The following RTTN variants were observed in gnomAD, a reference collection of about 807,000 sequenced individuals.
RTTN encodes rotatin.
RTTN carries 182 observed loss-of-function variants against 269.2 expected under a neutral mutation model. That is an observed-to-expected ratio of 0.68 (90% CI 0.60 to 0.76). The LOEUF is 0.76. Among genes scored for constraint, RTTN ranks in the 30% least tolerant of loss-of-function variants. The probability of loss-of-function intolerance (pLI) is 0.00; values close to 1 mark genes in which losing one functional copy is unlikely to be tolerated. For missense variants in RTTN, 2,545 were observed against 2,608.6 expected, an observed-to-expected ratio of 0.98 and a Z score of 0.53; for synonymous variants, 1,006 against 963.5, an observed-to-expected ratio of 1.04 and a Z score of -0.82.
At chr18:70,086,482 T>C in intron 32 of RTTN, 131 bp downstream of exon 32, 1 of 778,754 alleles carries the variant, frequency 1.3e-6, no homozygotes, top group Non-Finnish European at 2.2e-6. Flanking sequence ...AAATTCTACG[T>C]TCTATTTTAA....
chr18:70,025,677 G>A (rs1246343478), intron 43 of RTTN, among the ~76,000 whole-genome samples: 2 of 152,210 alleles, frequency 1.3e-5, no homozygotes, highest in African/African-American at 4.8e-5. Context: ...TCCATCTGCA[G>A]CAGATGACCT....
chr18:70,184,604 T>C (rs1005194247), intron 10 of RTTN, among the ~76,000 whole-genome samples: 1 of 151,710 alleles, frequency 6.6e-6, no homozygotes, highest in South Asian at 2.1e-4. Context: ...AAGACATATA[T>C]ATGGTATTCA....
chr18:70,176,769 T>C lies in RTTN; in HGVS notation c.1382A>G (p.Gln461Arg). Residue 461 changes from glutamine to arginine, a missense_variant, in exon 11 of 49, where the codon CAG becomes CGG. By Grantham distance (43) the Gln-to-Arg change is conservative (BLOSUM62 1). Coordinates refer to ENST00000640769, the MANE Select transcript of RTTN (RefSeq NM_173630.4). The part of the protein sequence containing the change: ...CYHKSSISLE[Q>R]PEVMLVHHRM... ...GTGGTGCACAAGCATCACCTCTGGC[T>C]GCTCCAAACTGATACTACTTTTATG... 1 of 1,614,184 alleles carries C rather than the reference T, an allele frequency of 6.2e-7. No homozygotes were observed. Among genetic ancestry groups the C allele is most frequent in the Non-Finnish European group, 8.5e-7 (1 of 1,179,992 alleles).
At chr18:70,049,050 A>C (rs749939835) in intron 39 of RTTN, among the ~76,000 whole-genome samples, 5 of 152,322 alleles carry the variant, frequency 3.3e-5, no homozygotes, top group African/African-American at 4.8e-5. Context: ...TTATTTTATC[A>C]CTAAAGAAAT....
chr18:70,205,512 G>T, intron 1 of RTTN, 116 bp downstream of exon 1: 1 of 1,435,476 alleles, frequency 7.0e-7, no homozygotes, highest in African/African-American at 1.4e-5. Context: ...TGACAAAGCG[G>T]GGGTGAAAGA....
chr18:70,047,143 C>T (rs1365755176), intron 40 of RTTN, among the ~76,000 whole-genome samples: 1 of 152,210 alleles, frequency 6.6e-6, no homozygotes, highest in Non-Finnish European at 1.5e-5. Context: ...AACCAGCACA[C>T]AGACAATCTT....
At chr18:70,191,190 T>C (rs551494890) in intron 8 of RTTN, among the ~76,000 whole-genome samples, 225 of 148,958 alleles carry the variant, frequency 1.5e-3, no homozygotes, top group Middle Eastern at 0.01. Flanking sequence ...CAAGACTCCA[T>C]CTCAAAAAAA....
intron 34 of RTTN, among the ~76,000 whole-genome samples, chr18:70,068,048 T>TA (rs1325890524): frequency 6.6e-6 from 1 of 152,262 alleles, no homozygotes; most frequent in African/African-American, 2.4e-5. Context: ...ATATTTCTAC[T>TA]AGCCTCTATT....
In RTTN at chr18:70,109,405, A is replaced by G. The variant is rs575017600; in HGVS notation, c.3903+93T>C. The G allele has an allele frequency of 2.5e-5, 21 of 855,392 alleles. No homozygotes were observed. The South Asian group carries it at 2.8e-4, about 11-fold the overall frequency. 53.0% of individuals were successfully genotyped at this position (855,392 alleles called of 1,614,324 possible). ...TTATATAAATAATGTATAATATTCT[A>G]CATTGAATAGAGTAACGTATAATGC... is the stretch of plus-strand genomic sequence containing the variant. On this transcript the variant is annotated intron_variant, in intron 28 of 48. Coordinates refer to ENST00000640769, the MANE Select transcript of RTTN (RefSeq NM_173630.4).
chr18:70,056,664 T>C (rs977322964), intron 37 of RTTN, among the ~76,000 whole-genome samples: 1 of 152,144 alleles, frequency 6.6e-6, no homozygotes, highest in African/African-American at 2.4e-5. Flanking sequence ...TCCTTGCTGT[T>C]TCTTGGATAG....
intron 32 of RTTN, among the ~76,000 whole-genome samples, chr18:70,076,486 G>C (rs1359717510): frequency 2.6e-5 from 4 of 151,960 alleles, no homozygotes; most frequent in African/African-American, 4.8e-5. Flanking sequence ...TCTTCAGGAA[G>C]ACAAAGGAAT....
intron 27 of RTTN, among the ~76,000 whole-genome samples, chr18:70,112,544 C>T (rs1443567884): frequency 7.6e-6 from 1 of 131,280 alleles, no homozygotes; most frequent in Non-Finnish European, 1.6e-5. Context: ...AGACTTAAAA[C>T]CAACAAAGAT....
At chr18:70,141,177 AAT>A (rs2060248089) in intron 19 of RTTN, among the ~76,000 whole-genome samples, 1 of 152,086 alleles carries the variant, frequency 6.6e-6, no homozygotes, top group Non-Finnish European at 1.5e-5. Flanking sequence ...AAATATGTGG[AAT>A]ATGTTTTTTC....
At chr18:70,024,509 T>C (rs1333113598) in intron 44 of RTTN, among the ~76,000 whole-genome samples, 6 of 152,200 alleles carry the variant, frequency 3.9e-5, no homozygotes, top group South Asian at 2.1e-4. Context: ...CTCTATTCCC[T>C]GCGCTGCCAA....
intron 40 of RTTN, among the ~76,000 whole-genome samples, chr18:70,036,528 C>A (rs1021148302): frequency 6.6e-6 from 1 of 152,092 alleles, no homozygotes; most frequent in African/African-American, 2.4e-5. Context: ...GAACAATAGA[C>A]AATGGGGCCT....
intron 10 of RTTN, among the ~76,000 whole-genome samples, chr18:70,184,716 T>TTGTGTGTGTGTGTG (rs1555776912): frequency 3.0e-4 from 10 of 33,460 alleles, no homozygotes; most frequent in African/African-American, 5.7e-4. Flanking sequence ...TTTTTTTTTT[T>TTGTGTGTGTGTGTG]TGTGTGTGTG....
intron 16 of RTTN, among the ~76,000 whole-genome samples, chr18:70,149,533 T>C (rs1266480423): frequency 1.2e-5 from 1 of 84,442 alleles, no homozygotes; most frequent in Non-Finnish European, 2.7e-5. Context: ...CCAGAAGGAT[T>C]GCTTTTTTAA....
intron 14 of RTTN, among the ~76,000 whole-genome samples, chr18:70,156,230 T>G (rs1406201530): frequency 1.3e-5 from 2 of 152,162 alleles, no homozygotes; most frequent in Non-Finnish European, 2.9e-5. Context: ...GGAACATCCC[T>G]GAGAAAGAGA....
chr18:70,004,876 A>G (rs1247134141), intron 48 of RTTN, among the ~76,000 whole-genome samples: 1 of 152,142 alleles, frequency 6.6e-6, no homozygotes, highest in Non-Finnish European at 1.5e-5. Flanking sequence ...TGTTAGATCC[A>G]GGTTTTCTGC....
Sources: allele counts gnomAD v4.1 joint callset (sites outside exome capture counted in the v4.1 genomes callset), GRCh38; gene constraint gnomAD v4.1.1; transcripts MANE v1.5; gene names NCBI Gene and HGNC (gene_info 2026-07-23, HGNC 2026-07-21).